Variants in IRS1 observed in about 807,000 individuals in gnomAD.
IRS1 encodes insulin receptor substrate 1.
In IRS1, 34 loss-of-function variants were observed where a neutral mutation model predicts 65.6. The ratio of observed to expected loss-of-function variants is 0.52; its 90% CI spans 0.39 to 0.69. IRS1 has a LOEUF of 0.69. IRS1 is among the 30% of genes least tolerant of loss of function. The pLI is 0.00. For synonymous variants in IRS1, 699 were observed against 683.5 expected (o/e 1.02, Z -0.35); for missense variants, 1,641 against 1,720.2 (o/e 0.95, Z 0.81).
chr2:226,736,635 CT>C (rs1938331644), intron 1 of IRS1, among the ~76,000 whole-genome samples: 1 of 134,316 alleles, frequency 7.4e-6, no homozygotes, highest in Admixed American at 8.4e-5. Flanking sequence ...GTTGTATCTC[CT>C]TCTGGTTGAA....
chr2:226,788,418 C>T (rs1322621045), intron 1 of IRS1, among the ~76,000 whole-genome samples: 1 of 152,120 alleles, frequency 6.6e-6, no homozygotes, highest in Non-Finnish European at 1.5e-5. Context: ...ATAAATACAT[C>T]TTTTTCAAAG....
intron 1 of IRS1, chr2:226,792,329 C>T (rs1189315146): frequency 6.6e-6 from 1 of 152,052 alleles, no homozygotes; most frequent in Non-Finnish European, 1.5e-5. Context: ...TTTTGCCCTG[C>T]TTCTTGGGCT....
chr2:226,757,043 CAA>C (rs1938818970), intron 1 of IRS1, among the ~76,000 whole-genome samples: 1 of 151,960 alleles, frequency 6.6e-6, no homozygotes, highest in African/African-American at 2.4e-5. Flanking sequence ...TGTATGTAGC[CAA>C]AGAGAGGCCT....
chr2:226,761,902 C>T (rs1938922432), intron 1 of IRS1, among the ~76,000 whole-genome samples: 1 of 152,182 alleles, frequency 6.6e-6, no homozygotes, highest in South Asian at 2.1e-4. Flanking sequence ...TCATAAACTA[C>T]AGAAAAATTA....
chr2:226,766,130 TATATATATATATATATATATA>T (rs1939028476), intron 1 of IRS1, among the ~76,000 whole-genome samples: 1 of 3,476 alleles, frequency 2.9e-4, no homozygotes, highest in Non-Finnish European at 7.0e-4. Context: ...CTTATATATA[TATATATATATATATATATATA>T]TATATATATA....
chr2:226,769,181 C>A (rs1039646812), intron 1 of IRS1, among the ~76,000 whole-genome samples: 2 of 152,198 alleles, frequency 1.3e-5, no homozygotes, highest in Non-Finnish European at 2.9e-5. Context: ...CACTCTGTGA[C>A]CATATATTCT....
intron 1 of IRS1, among the ~76,000 whole-genome samples, chr2:226,777,625 A>G (rs1379093229): frequency 6.6e-6 from 1 of 152,184 alleles, no homozygotes; most frequent in Non-Finnish European, 1.5e-5. Context: ...AGATGATTGA[A>G]TCATGGGGCG....
At chr2:226,791,352 A>G (rs929820944) in intron 1 of IRS1, among the ~76,000 whole-genome samples, 1 of 152,202 alleles carries the variant, frequency 6.6e-6, no homozygotes, top group Non-Finnish European at 1.5e-5. Context: ...GTGGCCTCGT[A>G]GTAAACCGTA....
Position 226,796,386 on chromosome 2 carries a change from G to C in IRS1, c.2353C>G (p.Arg785Gly). ...QRPGEPEEGA[R>G]HQHLRLSTSS... ...GTGGAAAGGCGGAGGTGCTGATGCC[G>C]GGCACCCTCCTCCGGCTCCCCGGGG... is the stretch of plus-strand genomic sequence containing the variant. Residue 785 changes from arginine (R) to glycine (G), a missense_variant, in exon 1 of 2, where the codon CGG becomes GGG. Arg to Gly is a moderately radical substitution (Grantham distance 125). This residue lies in a region of IRS1 where 1,324 missense variants were observed against 1,361.0 expected (regional missense o/e 0.97). Transcript: ENST00000305123. 1 of 1,613,310 alleles carries C rather than the reference G, an allele frequency of 6.2e-7. No homozygotes were observed. Among genetic ancestry groups the C allele is most frequent in the Non-Finnish European group, 8.5e-7 (1 of 1,180,034 alleles).
chr2:226,738,830 GACAA>G (rs1173937085), intron 1 of IRS1, among the ~76,000 whole-genome samples: 3 of 152,172 alleles, frequency 2.0e-5, no homozygotes, highest in African/African-American at 4.8e-5. Context: ...AAGGACTTGT[GACAA>G]ACAAACAAAC....
intron 1 of IRS1, among the ~76,000 whole-genome samples, chr2:226,763,542 T>A (rs1439390630): frequency 2.0e-5 from 3 of 152,200 alleles, no homozygotes; most frequent in East Asian, 1.9e-4. Flanking sequence ...TTTTAAAAGA[T>A]GCCATCTGCT....
At position 226,750,278 on chromosome 2, in the gene IRS1, TAA is replaced by T. The variant is rs903531308; in HGVS notation, c.*22-14030_*22-14029del. ...AAAAAAAAAAAAAAAAAAGAATCAT[TAA>T]ATGTGTTGTCTGAGTTCATGCAACT... On this transcript the variant is annotated intron_variant, in intron 1 of 1. Transcript: ENST00000305123. 6.7e-4 allele frequency among the ~76,000 whole-genome samples: 99 copies of T among 148,098 alleles called. 1 individual carries two copies. Among genetic ancestry groups the T allele is most frequent in the Admixed American group, 3.4e-4 (5 of 14,860 alleles).
At chr2:226,752,089 T>C (rs1196053771) in intron 1 of IRS1, among the ~76,000 whole-genome samples, 5 of 152,200 alleles carry the variant, frequency 3.3e-5, no homozygotes, top group Admixed American at 3.3e-4. Flanking sequence ...TCCCATTTTC[T>C]GCTGAGTATT....
chr2:226,777,846 G>T (rs1299824912), intron 1 of IRS1, among the ~76,000 whole-genome samples: 2 of 152,094 alleles, frequency 1.3e-5, no homozygotes, highest in African/African-American at 4.8e-5. Context: ...TATGTAAATT[G>T]CCCAGCCTCG....
chr2:226,777,534 A>G (rs1433542356), intron 1 of IRS1, among the ~76,000 whole-genome samples: 2 of 152,196 alleles, frequency 1.3e-5, no homozygotes, highest in Admixed American at 1.3e-4. Context: ...ACTCGCTGAT[A>G]TGGCTTGGCT....
intron 1 of IRS1, among the ~76,000 whole-genome samples, chr2:226,761,200 G>A (rs985376594): frequency 3.9e-5 from 6 of 152,202 alleles, no homozygotes; most frequent in African/African-American, 1.4e-4. Flanking sequence ...TGACTATATA[G>A]ACAACTCCAA....
intron 1 of IRS1, among the ~76,000 whole-genome samples, chr2:226,749,143 C>T (rs1938618214): frequency 6.6e-6 from 1 of 152,182 alleles, no homozygotes; most frequent in Admixed American, 6.5e-5. Flanking sequence ...ATGGTGAAAT[C>T]TGCTTATTCT....
intron 1 of IRS1, among the ~76,000 whole-genome samples, chr2:226,757,520 G>A (rs956901720): frequency 6.6e-6 from 1 of 152,140 alleles, no homozygotes; most frequent in Admixed American, 6.6e-5. Flanking sequence ...GGAGGCTGAG[G>A]CAAGAAAATT....
At chr2:226,765,931 T>C (rs1289212158) in intron 1 of IRS1, among the ~76,000 whole-genome samples, 1 of 151,118 alleles carries the variant, frequency 6.6e-6, no homozygotes, top group Non-Finnish European at 1.5e-5. Flanking sequence ...ACAAAGCATG[T>C]TTTAATTGAA....
Sources: gnomAD v4.1 joint callset for allele counts (sites outside exome capture counted in the v4.1 genomes callset) on GRCh38, gnomAD v4.1.1 for gene constraint, gnomAD v4.1.1 regional missense constraint, MANE v1.5 for transcripts, NCBI Gene and HGNC (gene_info 2026-07-23, HGNC 2026-07-21) for gene names.